Variants in INKA1 observed in about 807,000 individuals in gnomAD.
The protein encoded by INKA1 is inka box actin regulator 1, also known as PAK4-inhibitor INKA1.
Under a neutral mutation model 21.3 loss-of-function variants are expected in INKA1, and 14 were observed. The ratio of observed to expected loss-of-function variants is 0.66; its 90% CI spans 0.43 to 1.03. INKA1 has a LOEUF of 1.03. INKA1 is among the 50% of genes least tolerant of loss of function. The pLI is 0.00. For synonymous variants in INKA1, 133 were observed against 143.3 expected (o/e 0.93, Z 0.51); for missense variants, 353 against 379.0 (o/e 0.93, Z 0.57).
In INKA1 at chr3:49,803,480, G is replaced by A. The variant is rs748989049; in HGVS notation, c.51+37G>A. ...GAGCGGGTGTGGTTAGTGAGGACGC[G>A]TGCGGGATGCCAGGCTGCCGCCCGG... On this transcript the variant is annotated intron_variant, in intron 1 of 1. Transcript: ENST00000333323. The surrounding 1 kb of genome is among the most constrained non-coding windows in gnomAD (Gnocchi z 4.8). The A allele has an allele frequency of 6.5e-7, 1 of 1,537,432 alleles. No individual in the cohort carries two copies. Among genetic ancestry groups the A allele is most frequent in the Non-Finnish European group, 8.8e-7 (1 of 1,140,634 alleles).
chr3:49,804,828 C>G lies in INKA1; in HGVS notation c.699C>G (p.Arg233=). 6.2e-7 allele frequency: 1 copy of G among 1,613,208 alleles called. No homozygotes were observed. Among genetic ancestry groups the G allele is most frequent in the Admixed American group, 1.7e-5 (1 of 60,032 alleles). The change falls in exon 2 of 2, where the codon CGC becomes CGG. Residue 233 remains arginine (R), a synonymous_variant. Transcript: ENST00000333323. The surrounding 1 kb of genome is among the most constrained non-coding windows in gnomAD (Gnocchi z 6.7). The stretch of plus-strand genomic sequence containing the variant: ...TTGGCCTCTCTGAGCAGCTTCGGCG[C>G]CGGCTGGCCAGGGCTCGGCGGACAG... ...FLLGLSEQLR[R]RLARARRTAM... is the part of the protein sequence containing the mutation.
chr3:49,803,559 TG>T lies in INKA1; in HGVS notation c.51+121del. On this transcript the variant is annotated intron_variant, in intron 1 of 1. Coordinates refer to ENST00000333323, the MANE Select transcript of INKA1 (RefSeq NM_203370.2). This position sits in a 1 kb window ranked among gnomAD's most constrained non-coding sequence, Gnocchi z 4.8. Reference sequence around the variant, plus strand: ...TCCAGCGTGCCGGTCCGAGGCGGGGTGGGGGCGGCGTGGCGCATATGGCTCA... The same window carrying T: ...TCCAGCGTGCCGGTCCGAGGCGGGGTGGGGCGGCGTGGCGCATATGGCTCA... The T allele has an allele frequency of 2.8e-6, 3 of 1,079,992 alleles. No individual in the cohort carries two copies. The highest frequency in any genetic ancestry group is 2.7e-6 in the Non-Finnish European group (2 of 754,288). 66.9% of individuals were successfully genotyped at this position (1,079,992 alleles called of 1,614,324 possible). A position where few individuals can be genotyped will look rare whatever the true frequency, so the allele number is the denominator to read the frequency against.
At position 49,803,533 on chromosome 3, in the gene INKA1, C is replaced by T; in HGVS notation, c.51+90C>T. ...GGAACAACAGACGGGTGCGGGGTGG[C>T]TCCAGCGTGCCGGTCCGAGGCGGGG... On this transcript the variant is annotated intron_variant, in intron 1 of 1. Transcript: ENST00000333323. The surrounding 1 kb of genome is among the most constrained non-coding windows in gnomAD (Gnocchi z 4.8). The T allele has an allele frequency of 7.4e-7, 1 of 1,345,778 alleles. No individual in the cohort carries two copies. The highest frequency in any genetic ancestry group is 2.8e-5 in the East Asian group (1 of 35,694). The allele number at this position is 1,345,778 out of a possible 1,614,324, so 83.4% of individuals were successfully genotyped here.
In INKA1 at chr3:49,804,992, G is replaced by A. The variant is rs1250062799; in HGVS notation, c.*5G>A. The A allele has an allele frequency of 6.2e-7, 1 of 1,603,088 alleles. No individual in the cohort carries two copies. Among genetic ancestry groups the A allele is most frequent in the Non-Finnish European group, 8.5e-7 (1 of 1,172,516 alleles). On this transcript the variant is annotated 3_prime_UTR_variant, in exon 2 of 2. Transcript: ENST00000333323. The surrounding 1 kb of genome is among the most constrained non-coding windows in gnomAD (Gnocchi z 6.7). ...AATGATGTCAGCTACCTCTGACCCTGCCCTCCAGCCTGGGACAATAAAAGC... is the reference window on the plus strand; with the variant it reads ...AATGATGTCAGCTACCTCTGACCCTACCCTCCAGCCTGGGACAATAAAAGC...
In INKA1 at chr3:49,804,313, G is replaced by A; in HGVS notation, c.184G>A (p.Val62Met). 3.1e-6 allele frequency: 5 copies of A among 1,613,666 alleles called. No homozygotes were observed. Among genetic ancestry groups the A allele is most frequent in the South Asian group, 1.1e-5 (1 of 91,086 alleles). ...GALEEDSVCC[V>M]EEEEEEEEEA... ...CTTGGAAGAGGACTCAGTCTGCTGT[G>A]TGGAGGAGGAGGAAGAGGAGGAGGA... Residue 62 changes from valine (V) to methionine (M), a missense_variant, in exon 2 of 2, where the codon GTG becomes ATG. Transcript: ENST00000333323. This position sits in a 1 kb window ranked among gnomAD's most constrained non-coding sequence, Gnocchi z 6.7.
At position 49,804,214 on chromosome 3, in the gene INKA1, C is replaced by G; in HGVS notation, c.85C>G (p.Pro29Ala). The change falls in exon 2 of 2, where the codon CCT (proline) becomes GCT (alanine). Residue 29 changes from proline (P) to alanine (A), a missense_variant. Physicochemically the swap from Pro to Ala is conservative, Grantham distance 27. Transcript: ENST00000333323. This position sits in a 1 kb window ranked among gnomAD's most constrained non-coding sequence, Gnocchi z 6.7. ...CGRDTGSPSMPGPLQPTSQTG... is the reference protein window; with the variant it reads ...CGRDTGSPSMAGPLQPTSQTG... Reference sequence around the variant, plus strand: ...TCGGGACACAGGCTCACCCTCAATGCCTGGTCCCCTGCAGCCAACCTCCCA... The same window carrying G: ...TCGGGACACAGGCTCACCCTCAATGGCTGGTCCCCTGCAGCCAACCTCCCA... 1 of 1,601,118 alleles carries G rather than the reference C, an allele frequency of 6.2e-7. No homozygotes were observed. The highest frequency in any genetic ancestry group is 2.2e-5 in the East Asian group (1 of 44,688).
chr3:49,803,286 A>C lies in INKA1; in HGVS notation c.-107A>C. 1 of 1,086,732 alleles carries C rather than the reference A, an allele frequency of 9.2e-7. No individual in the cohort carries two copies. The highest frequency in any genetic ancestry group is 1.2e-6 in the Non-Finnish European group (1 of 805,556). 67.3% of individuals were successfully genotyped at this position (1,086,732 alleles called of 1,614,324 possible). A position where few individuals can be genotyped will look rare whatever the true frequency, so the allele number is the denominator to read the frequency against. ...ACGGAGAGCGAGGAGTCGCGCAGGC[A>C]GGCGGAGGCTGAGGGCGCCGCTGGC... On this transcript the variant is annotated 5_prime_UTR_variant, in exon 1 of 2. Coordinates refer to ENST00000333323, the MANE Select transcript of INKA1 (RefSeq NM_203370.2). The surrounding 1 kb of genome is among the most constrained non-coding windows in gnomAD (Gnocchi z 4.8).
rs780945959 is a variant in INKA1, at chr3:49,804,174, C to T, written c.52-7C>T. 3 of 1,559,378 alleles carry T rather than the reference C, an allele frequency of 1.9e-6. No individual in the cohort carries two copies. Among genetic ancestry groups the T allele is most frequent in the Non-Finnish European group, 2.6e-6 (3 of 1,150,330 alleles). Reference sequence around the variant, plus strand: ...CCTCTCCGACTTCTGCCCTCTCTTCCCCTCAGTTGTGTGGTCGGGACACAG... The same window carrying T: ...CCTCTCCGACTTCTGCCCTCTCTTCTCCTCAGTTGTGTGGTCGGGACACAG... On this transcript the variant is annotated splice_polypyrimidine_tract_variant and splice_region_variant and intron_variant, in intron 1 of 1. Transcript: ENST00000333323. The surrounding 1 kb of genome is among the most constrained non-coding windows in gnomAD (Gnocchi z 6.7).
chr3:49,803,305 C>A lies in INKA1; in HGVS notation c.-88C>A. ...GCAGGCAGGCGGAGGCTGAGGGCGC[C>A]GCTGGCCGGCCCTCCCAGCCCTCTC... On this transcript the variant is annotated 5_prime_UTR_variant, in exon 1 of 2. Transcript: ENST00000333323. This position sits in a 1 kb window ranked among gnomAD's most constrained non-coding sequence, Gnocchi z 4.8. 1 of 1,320,446 alleles carries A rather than the reference C, an allele frequency of 7.6e-7. No individual in the cohort carries two copies. Among genetic ancestry groups the A allele is most frequent in the Non-Finnish European group, 9.9e-7 (1 of 1,006,002 alleles). 81.8% of individuals were successfully genotyped at this position (1,320,446 alleles called of 1,614,324 possible).
In INKA1 at chr3:49,804,478, C is replaced by A; in HGVS notation, c.349C>A (p.Pro117Thr). Residue 117 changes from proline (P) to threonine (T), a missense_variant, in exon 2 of 2, where the codon CCC becomes ACC. By Grantham distance (38) the Pro-to-Thr change is conservative. Coordinates refer to ENST00000333323, the MANE Select transcript of INKA1 (RefSeq NM_203370.2). The surrounding 1 kb of genome is among the most constrained non-coding windows in gnomAD (Gnocchi z 6.7). Reference sequence around the variant, plus strand: ...ACTGCCTGTATCCCAGCGCCCAGCACCCTCAGCACAGCCCCTTCGTAGGCA... The same window carrying A: ...ACTGCCTGTATCCCAGCGCCCAGCAACCTCAGCACAGCCCCTTCGTAGGCA... ...EELPVSQRPA[P>T]SAQPLRRQCL... 6.2e-7 allele frequency: 1 copy of A among 1,613,608 alleles called. No individual in the cohort carries two copies. Among genetic ancestry groups the A allele is most frequent in the Non-Finnish European group, 8.5e-7 (1 of 1,180,000 alleles).
chr3:49,803,940 GCCCT>G lies in INKA1; in HGVS notation c.52-240_52-237del, dbSNP rs1342014948. On this transcript the variant is annotated intron_variant, in intron 1 of 1. Coordinates refer to ENST00000333323, the MANE Select transcript of INKA1 (RefSeq NM_203370.2). The surrounding 1 kb of genome is among the most constrained non-coding windows in gnomAD (Gnocchi z 4.8). ...CGCAACCCTGCCTGCCTGCCCGCCC[GCCCT>G]GGTGGCGGGTGCCGACTTGCCCGGC... Among the ~76,000 whole-genome samples, 1 of 152,156 alleles carries G rather than the reference GCCCT, an allele frequency of 6.6e-6. No homozygotes were observed. Among genetic ancestry groups the G allele is most frequent in the African/African-American group, 2.4e-5 (1 of 41,448 alleles).
In INKA1 at chr3:49,804,093, CCTAT is replaced by C. The variant is rs1356401149; in HGVS notation, c.52-84_52-81del. ...ACACCCTGCTGCCCAGGCCAGCAGG[CCTAT>C]CTAACCTTCCTGGACCCTCTGTTCT... On this transcript the variant is annotated intron_variant, in intron 1 of 1. Transcript: ENST00000333323. This position sits in a 1 kb window ranked among gnomAD's most constrained non-coding sequence, Gnocchi z 6.7. 7.7e-6 allele frequency: 9 copies of C among 1,162,858 alleles called. No individual in the cohort carries two copies. The South Asian group carries it at 1.2e-4, about 15-fold the overall frequency. 72.0% of individuals were successfully genotyped at this position (1,162,858 alleles called of 1,614,324 possible).
In INKA1 at chr3:49,804,825, G is replaced by A. The variant is rs755422945; in HGVS notation, c.696G>A (p.Arg232=). Residue 232 remains arginine (R), a synonymous_variant, in exon 2 of 2, where the codon CGG becomes CGA. Coordinates refer to ENST00000333323, the MANE Select transcript of INKA1 (RefSeq NM_203370.2). This position sits in a 1 kb window ranked among gnomAD's most constrained non-coding sequence, Gnocchi z 6.7. ...QFLLGLSEQL[R]RRLARARRTA... Reference sequence around the variant, plus strand: ...TGCTTGGCCTCTCTGAGCAGCTTCGGCGCCGGCTGGCCAGGGCTCGGCGGA... The same window carrying A: ...TGCTTGGCCTCTCTGAGCAGCTTCGACGCCGGCTGGCCAGGGCTCGGCGGA... 1.2e-6 allele frequency: 2 copies of A among 1,613,126 alleles called. No homozygotes were observed. The highest frequency in any genetic ancestry group is 1.7e-6 in the Non-Finnish European group (2 of 1,180,006).
In INKA1 at chr3:49,804,986, G is replaced by T; in HGVS notation, c.857G>T (p.Ter286LeuextTer?). 1 of 1,604,998 alleles carries T rather than the reference G, an allele frequency of 6.2e-7. No homozygotes were observed. Residue 286 changes from the stop codon to leucine (L), a stop_lost, in exon 2 of 2, where the codon TGA becomes TTA. Coordinates refer to ENST00000333323, the MANE Select transcript of INKA1 (RefSeq NM_203370.2). The surrounding 1 kb of genome is among the most constrained non-coding windows in gnomAD (Gnocchi z 6.7). ...ATCTGCAATGATGTCAGCTACCTCT[G>T]ACCCTGCCCTCCAGCCTGGGACAAT... ...PIICNDVSYL[*>L]
chr3:49,804,040 C>T lies in INKA1; in HGVS notation c.52-141C>T, dbSNP rs997765979. 4.3e-6 allele frequency: 3 copies of T among 696,972 alleles called. No homozygotes were observed. Among genetic ancestry groups the T allele is most frequent in the African/African-American group, 3.6e-5 (2 of 56,306 alleles). 43.2% of individuals were successfully genotyped at this position (696,972 alleles called of 1,614,324 possible). On this transcript the variant is annotated intron_variant, in intron 1 of 1. Transcript: ENST00000333323. The surrounding 1 kb of genome is among the most constrained non-coding windows in gnomAD (Gnocchi z 6.7). The stretch of plus-strand genomic sequence containing the variant: ...GAACCACACCAGCTTCGAGTGCCAG[C>T]ACCCCTATGCCTGCCCTGTGCTCAC...
Position 49,804,197 on chromosome 3 carries a change from C to G in INKA1, c.68C>G (p.Thr23Arg). 2 of 1,586,564 alleles carry G rather than the reference C, an allele frequency of 1.3e-6. No individual in the cohort carries two copies. Among genetic ancestry groups the G allele is most frequent in the Non-Finnish European group, 1.7e-6 (2 of 1,164,134 alleles). ...LRWELLCGRD[T>R]GSPSMPGPLQ... ...TCCCCTCAGTTGTGTGGTCGGGACA[C>G]AGGCTCACCCTCAATGCCTGGTCCC... The change falls in exon 2 of 2, where the codon ACA becomes AGA. Residue 23 changes from threonine (T) to arginine (R), a missense_variant. Physicochemically the swap from Thr to Arg is moderately conservative, Grantham distance 71. Transcript: ENST00000333323. This position sits in a 1 kb window ranked among gnomAD's most constrained non-coding sequence, Gnocchi z 6.7.
Position 49,803,964 on chromosome 3 carries a change from C to T in INKA1, c.52-217C>T, listed in dbSNP as rs891481695. 5.3e-5 allele frequency among the ~76,000 whole-genome samples: 8 copies of T among 152,152 alleles called. No individual in the cohort carries two copies. The highest frequency in any genetic ancestry group is 1.9e-4 in the African/African-American group (8 of 41,448). On this transcript the variant is annotated intron_variant, in intron 1 of 1. Coordinates refer to ENST00000333323, the MANE Select transcript of INKA1 (RefSeq NM_203370.2). This position sits in a 1 kb window ranked among gnomAD's most constrained non-coding sequence, Gnocchi z 4.8. ...CGCCCTGGTGGCGGGTGCCGACTTG[C>T]CCGGCCCTGCATGCTGCAGCCTGCC...
chr3:49,804,310 T>C lies in INKA1; in HGVS notation c.181T>C (p.Cys61Arg). ...SGALEEDSVC[C>R]VEEEEEEEEE... is the part of the protein sequence containing the mutation. ...TGCCTTGGAAGAGGACTCAGTCTGC[T>C]GTGTGGAGGAGGAGGAAGAGGAGGA... Residue 61 changes from cysteine (C) to arginine (R), a missense_variant, in exon 2 of 2, where the codon TGT becomes CGT. Transcript: ENST00000333323. This position sits in a 1 kb window ranked among gnomAD's most constrained non-coding sequence, Gnocchi z 6.7. 1 of 1,613,584 alleles carries C rather than the reference T, an allele frequency of 6.2e-7. No individual in the cohort carries two copies. Among genetic ancestry groups the C allele is most frequent in the Non-Finnish European group, 8.5e-7 (1 of 1,179,946 alleles).
chr3:49,804,397 C>G lies in INKA1; in HGVS notation c.268C>G (p.Leu90Val). The G allele has an allele frequency of 6.2e-7, 1 of 1,613,500 alleles. No homozygotes were observed. The highest frequency in any genetic ancestry group is 1.1e-5 in the South Asian group (1 of 91,058). Residue 90 changes from leucine to valine, a missense_variant, in exon 2 of 2, where the codon CTG (leucine) becomes GTG (valine). By Grantham distance (32) the Leu-to-Val change is conservative. Transcript: ENST00000333323. The surrounding 1 kb of genome is among the most constrained non-coding windows in gnomAD (Gnocchi z 6.7). ...CTTGGGAGGCCCCAGGGAGCATGCC[C>G]TGGACTGGGACTCTGGCTTCTCGGA... The part of the protein sequence containing the change: ...AALGGPREHA[L>V]DWDSGFSEVS...
Sources: allele counts gnomAD v4.1 joint callset (sites outside exome capture counted in the v4.1 genomes callset), GRCh38; gene constraint gnomAD v4.1.1; non-coding constraint Gnocchi (gnomAD v3.1); transcripts MANE v1.5; gene names NCBI Gene and HGNC (gene_info 2026-07-23, HGNC 2026-07-21).